FBXO15: variants seen among roughly 807,000 people sequenced by gnomAD.
FBXO15 encodes F-box only protein 15.
Under a neutral mutation model 49.5 loss-of-function variants are expected in FBXO15, and 30 were observed. That is an observed-to-expected ratio of 0.61 (90% CI 0.45 to 0.82). FBXO15 has a LOEUF of 0.82. Ranked by LOEUF, FBXO15 falls within the 40% of genes least tolerant of loss-of-function variation. The pLI is 0.00. For missense variants in FBXO15, 591 were observed against 631.5 expected (o/e 0.94, Z 0.69); for synonymous variants, 250 against 232.7 (o/e 1.07, Z -0.68).
intron 8 of FBXO15, among the ~76,000 whole-genome samples, chr18:74,112,575 G>C (rs891700866): frequency 6.6e-6 from 1 of 152,156 alleles, no homozygotes; most frequent in Non-Finnish European, 1.5e-5. Context: ...TGAGAAACTC[G>C]AAACTTTCTC....
At chr18:74,129,759 C>T (rs751916244) in intron 4 of FBXO15, 145 bp from the exon 5 acceptor site, 3 of 668,678 alleles carry the variant, frequency 4.5e-6, no homozygotes, top group Non-Finnish European at 2.5e-6. Context: ...ATAATTTTCA[C>T]TTCAACAATA....
intron 9 of FBXO15, among the ~76,000 whole-genome samples, chr18:74,081,098 A>G (rs994146243): frequency 1.3e-5 from 2 of 152,236 alleles, no homozygotes; most frequent in African/African-American, 4.8e-5. Flanking sequence ...AATAAATAGG[A>G]TTTGTAAAAT....
Position 74,124,507 on chromosome 18 carries a change from G to A in FBXO15, c.977C>T (p.Thr326Ile). 6.2e-7 allele frequency: 1 copy of A among 1,613,946 alleles called. No individual in the cohort carries two copies. The highest frequency in any genetic ancestry group is 8.5e-7 in the Non-Finnish European group (1 of 1,179,930). The change falls in exon 7 of 10, where the codon ACA becomes ATA. Residue 326 changes from threonine to isoleucine, a missense_variant. Coordinates refer to ENST00000419743, the MANE Select transcript of FBXO15 (RefSeq NM_001142958.2). ...TACATACATAGTAGCCGAGCCTAATGTGCTCCTCTCCACAAGGTGATGAAA... is the reference window on the plus strand; with the variant it reads ...TACATACATAGTAGCCGAGCCTAATATGCTCCTCTCCACAAGGTGATGAAA... ...LHFHHLVERS[T>I]LGSATIPYEL...
At chr18:74,118,357 G>T (rs62097026) in intron 8 of FBXO15, among the ~76,000 whole-genome samples, 13,255 of 143,790 alleles carry the variant, frequency 0.092, 817 homozygotes, top group Admixed American at 0.21. Context: ...TTGAGATTCA[G>T]AATGTTAATA....
At chr18:74,092,842 T>C (rs528831500) in intron 8 of FBXO15, among the ~76,000 whole-genome samples, 4 of 152,254 alleles carry the variant, frequency 2.6e-5, no homozygotes, top group African/African-American at 7.2e-5. Context: ...GCAGGATCCA[T>C]GCTTGTTTGC....
chr18:74,107,084 A>G (rs1299020101), intron 8 of FBXO15, among the ~76,000 whole-genome samples: 2 of 148,830 alleles, frequency 1.3e-5, no homozygotes, highest in Non-Finnish European at 3.0e-5. Context: ...TAAATTCTAC[A>G]TATTCTGAAT....
intron 1 of FBXO15, among the ~76,000 whole-genome samples, chr18:74,142,529 A>G (rs8084916): frequency 0.088 from 13,349 of 152,192 alleles, 1,084 homozygotes; most frequent in African/African-American, 0.21. Context: ...AAGGCTCTAG[A>G]GAGGATCATT....
intron 8 of FBXO15, among the ~76,000 whole-genome samples, chr18:74,084,429 GC>G (rs1912642101): frequency 2.6e-5 from 4 of 152,238 alleles, no homozygotes; most frequent in African/African-American, 4.8e-5. Context: ...AGTGGCAGGG[GC>G]CTGCGCCTCA....
intron 1 of FBXO15, among the ~76,000 whole-genome samples, chr18:74,145,576 T>C (rs1599199191): frequency 7.4e-6 from 1 of 135,140 alleles, no homozygotes; most frequent in Non-Finnish European, 1.6e-5. Context: ...TATTTATCCA[T>C]AAAATAAACC....
Position 74,089,248 on chromosome 18 carries a change from T to C in FBXO15, c.1139-7197A>G, listed in dbSNP as rs1268686456. Among the ~76,000 whole-genome samples the C allele has an allele frequency of 2.6e-5, 4 of 152,330 alleles. No homozygotes were observed. The East Asian group carries it at 5.8e-4, about 22-fold the overall frequency. ...GATTTGGCTGTCAGCATGGATGTTG[T>C]TGGTGTACAGAAATGCTACTAATTT... On this transcript the variant is annotated intron_variant, in intron 8 of 9. Transcript: ENST00000419743.
intron 9 of FBXO15, among the ~76,000 whole-genome samples, chr18:74,076,764 C>T (rs936802955): frequency 2.0e-5 from 3 of 152,134 alleles, no homozygotes; most frequent in African/African-American, 7.2e-5. Context: ...CAAATTCCTT[C>T]CGGCTACCAT....
At chr18:74,104,487 C>T (rs1226558855) in intron 8 of FBXO15, among the ~76,000 whole-genome samples, 2 of 152,092 alleles carry the variant, frequency 1.3e-5, no homozygotes, top group East Asian at 1.9e-4. Context: ...GGCAGAGTGG[C>T]AGAATGGATA....
chr18:74,102,691 T>A (rs1339841029), intron 8 of FBXO15, among the ~76,000 whole-genome samples: 1 of 152,276 alleles, frequency 6.6e-6, no homozygotes, highest in African/African-American at 2.4e-5. Context: ...ATTGCAAAAA[T>A]GTGGAACCCA....
rs368529418 is a variant in FBXO15 at position 74,073,582 on chromosome 18, G to T, written c.1412C>A (p.Ala471Glu). ...CAGCTCCACGTGCACTCTTCCTTCC[G>T]CATCAACGTAGTCCACGTTGTATGT... ...GQTYNVDYVDAEGRVHVELVW... is the reference protein window; with the variant it reads ...GQTYNVDYVDEEGRVHVELVW... Residue 471 changes from alanine to glutamate, a missense_variant, in exon 10 of 10, where the codon GCG (alanine) becomes GAG (glutamate). By Grantham distance (107) the Ala-to-Glu change is moderately radical (BLOSUM62 -1). Coordinates refer to ENST00000419743, the MANE Select transcript of FBXO15 (RefSeq NM_001142958.2). 99 of 1,614,066 alleles carry T rather than the reference G, an allele frequency of 6.1e-5. No homozygotes were observed. The highest frequency in any genetic ancestry group is 7.4e-5 in the Non-Finnish European group (87 of 1,180,044).
Position 74,133,204 on chromosome 18 carries a change from A to G in FBXO15, c.333-2546T>C, listed in dbSNP as rs568185260. On this transcript the variant is annotated intron_variant, in intron 3 of 9. Transcript: ENST00000419743. ...GTGCAATTCAACTTAGCACAATTAAATATGTCTTTTGAAAAAGAAAAGAAA... is the reference window on the plus strand; with the variant it reads ...GTGCAATTCAACTTAGCACAATTAAGTATGTCTTTTGAAAAAGAAAAGAAA... Among the ~76,000 whole-genome samples the G allele has an allele frequency of 4.6e-5, 7 of 152,324 alleles. No individual in the cohort carries two copies. In the South Asian group the frequency reaches 1.5e-3, roughly 32 times the overall value.
chr18:74,140,628 C>A, intron 1 of FBXO15: 1 of 258,368 alleles, frequency 3.9e-6, no homozygotes, highest in South Asian at 6.3e-5. Flanking sequence ...GACAGTGAGA[C>A]CTTGATGGTA....
intron 8 of FBXO15, 198 bp from the exon 9 acceptor site, chr18:74,082,249 T>C: frequency 2.3e-6 from 1 of 435,694 alleles, no homozygotes; most frequent in South Asian, 4.9e-5. Context: ...GCAGAAACAT[T>C]AACAAGTGCC....
intron 1 of FBXO15, 93 bp from the exon 2 acceptor site, chr18:74,140,405 T>A: frequency 1.2e-5 from 13 of 1,088,570 alleles, no homozygotes; most frequent in South Asian, 8.5e-5. Context: ...ATTCATAAAC[T>A]CCAAAGATTA....
At chr18:74,111,018 G>A (rs1182847461) in intron 8 of FBXO15, among the ~76,000 whole-genome samples, 1 of 152,106 alleles carries the variant, frequency 6.6e-6, no homozygotes, top group East Asian at 1.9e-4. Flanking sequence ...CAGAAAATCA[G>A]TAAGGACATA....
Sources: gnomAD v4.1 joint callset for allele counts (sites outside exome capture counted in the v4.1 genomes callset) on GRCh38, gnomAD v4.1.1 for gene constraint, MANE v1.5 for transcripts, NCBI Gene and HGNC (gene_info 2026-07-23, HGNC 2026-07-21) for gene names.